The following COL4A4 variants were observed in gnomAD, a reference collection of about 807,000 sequenced individuals.
COL4A4 encodes the protein collagen type IV alpha 4 chain.
A neutral mutation model predicts 192.9 loss-of-function variants in COL4A4; 105 were observed. The observed-to-expected ratio is 0.54, with a 90% CI of 0.46 to 0.64. The LOEUF is 0.64. Among genes scored for constraint, COL4A4 ranks in the 30% least tolerant of loss-of-function variants. COL4A4 has a pLI of 0.00. For synonymous variants in COL4A4, 762 were observed against 769.9 expected, an observed-to-expected ratio of 0.99 and a Z score of 0.17; for missense variants, 1,967 against 2,169.3, an observed-to-expected ratio of 0.91 and a Z score of 1.85.
At chr2:227,033,127 C>T (rs1968785323) in intron 38 of COL4A4, among the ~76,000 whole-genome samples, 1 of 152,178 alleles carries the variant, frequency 6.6e-6, no homozygotes, top group African/African-American at 2.4e-5. Context: ...AAATCTGGCT[C>T]AATTGTTCAG....
At chr2:227,022,290 G>T in intron 43 of COL4A4, 117 bp from the exon 44 acceptor site, 1 of 1,245,684 alleles carries the variant, frequency 8.0e-7, no homozygotes, top group Non-Finnish European at 1.2e-6. Flanking sequence ...TACAAATTCA[G>T]TATAAAATTC....
chr2:226,988,594 C>T, the COL4A4 span: 5 of 1,362,342 alleles, frequency 3.7e-6, no homozygotes, highest in Non-Finnish European at 4.7e-6. Flanking sequence ...CAGAAGAGGC[C>T]GGGGGCTCCA....
chr2:227,089,268 A>G (rs570244191), intron 21 of COL4A4, among the ~76,000 whole-genome samples: 1 of 152,160 alleles, frequency 6.6e-6, no homozygotes, highest in East Asian at 1.9e-4. Flanking sequence ...TTTTGATTGC[A>G]TTGAATATTA....
chr2:227,028,868 G>A (rs1201734919), intron 41 of COL4A4, among the ~76,000 whole-genome samples: 1 of 151,906 alleles, frequency 6.6e-6, no homozygotes, highest in Non-Finnish European at 1.5e-5. Flanking sequence ...GTGTTGCCCA[G>A]GCTGGTCTTG....
At chr2:226,993,089 G>A in the COL4A4 span, among the ~76,000 whole-genome samples, 1 of 152,216 alleles carries the variant, frequency 6.6e-6, no homozygotes, top group Non-Finnish European at 1.5e-5. Flanking sequence ...TGGGTCCAAG[G>A]CCGTGTGTGC....
chr2:226,983,378 G>T, the COL4A4 span, among the ~76,000 whole-genome samples: 2,079 of 152,194 alleles, frequency 0.014, 40 homozygotes, highest in African/African-American at 0.048. Context: ...GTAGCTGTGG[G>T]ACCTGGGGCC....
rs2272205 is a variant in COL4A4 at position 227,051,208 on chromosome 2, T to C, written c.2969-50A>G. ...GTCTCTGCTGAAATTTTGAGCTAGG[T>C]AATAGTTAAGCTGAGGGACCTGGTC... On this transcript the variant is annotated intron_variant, in intron 32 of 47. Transcript: ENST00000396625. The C allele has an allele frequency of 0.092, 147,090 of 1,593,442 alleles. 7,208 individuals carry two copies. The highest frequency in any genetic ancestry group is 0.18 in the East Asian group (7,887 of 44,758).
intron 20 of COL4A4, among the ~76,000 whole-genome samples, chr2:227,093,605 C>T (rs983893730): frequency 1.3e-5 from 2 of 152,094 alleles, no homozygotes; most frequent in Middle Eastern, 3.4e-3. Flanking sequence ...TGATCTCATC[C>T]CCAGCCCCCT....
intron 37 of COL4A4, among the ~76,000 whole-genome samples, chr2:227,041,848 G>GAGAGAGAGAGAGAGAGAGAGAAAGAA (rs1971305412): frequency 2.6e-5 from 1 of 38,734 alleles, no homozygotes; most frequent in Non-Finnish European, 4.7e-5. Flanking sequence ...AAGAAAGAAA[G>GAGAGAGAGAGAGAGAGAGAGAAAGAA]AGAAAGAAAG....
chr2:227,158,392 G>A (rs2064525402), intron 1 of COL4A4, among the ~76,000 whole-genome samples: 1 of 152,002 alleles, frequency 6.6e-6, no homozygotes, highest in African/African-American at 2.4e-5. Context: ...AGAAAACATA[G>A]GAGAAAATTT....
chr2:227,121,025 T>C lies in COL4A4; in HGVS notation c.316A>G (p.Lys106Glu). 6.2e-7 allele frequency: 1 copy of C among 1,614,128 alleles called. No individual in the cohort carries two copies. Among genetic ancestry groups the C allele is most frequent in the African/African-American group, 1.3e-5 (1 of 75,062 alleles). Residue 106 changes from lysine (K) to glutamate (E), a missense_variant, in exon 5 of 48, where the codon AAA (lysine) becomes GAA (glutamate). Lys to Glu is a moderately conservative substitution (Grantham distance 56). Transcript: ENST00000396625. Reference protein sequence around the residue: ...DRGPPGAAGDKGDKGPTGVPG... With the variant: ...DRGPPGAAGDEGDKGPTGVPG... ...AAGATGTGGCTTACCTTATCTCCTT[T>C]GTCCCCTGCTGCTCCAGGAGGGCCG...
intron 25 of COL4A4, among the ~76,000 whole-genome samples, chr2:227,075,568 A>G (rs774730141): frequency 3.9e-5 from 6 of 152,200 alleles, no homozygotes; most frequent in Non-Finnish European, 7.3e-5. Context: ...ATTCCCTTTG[A>G]AAACCAGCAC....
chr2:227,047,504 T>G lies in COL4A4; in HGVS notation c.3260A>C (p.Lys1087Thr), dbSNP rs745770378. The G allele has an allele frequency of 6.2e-7, 1 of 1,613,878 alleles. No individual in the cohort carries two copies. The highest frequency in any genetic ancestry group is 2.2e-5 in the East Asian group (1 of 44,874). The change falls in exon 35 of 48, where the codon AAG becomes ACG. Residue 1087 changes from lysine to threonine, a missense_variant. Transcript: ENST00000396625. Reference protein sequence around the residue: ...PASHFGPPGPKGEPGSPGCPG... With the variant: ...PASHFGPPGPTGEPGSPGCPG... ...ACATCCAGGGCTACCTGGCTCACCC[T>G]TTGGACCAGGTGGACCAAAGTGACT...
chr2:227,084,814 C>T (rs2059500230), intron 22 of COL4A4, among the ~76,000 whole-genome samples: 1 of 152,064 alleles, frequency 6.6e-6, no homozygotes, highest in South Asian at 2.1e-4. Context: ...GTTACTCTAA[C>T]AACGGAAGCC....
At chr2:227,077,870 T>C in intron 25 of COL4A4, 24 bp downstream of exon 25, 1 of 1,596,712 alleles carries the variant, frequency 6.3e-7, no homozygotes, top group Non-Finnish European at 8.5e-7. Flanking sequence ...GCTATTGAAA[T>C]AAATAAAATT....
rs959918764 is a variant in COL4A4, at chr2:227,144,632, G to A, written c.72-74C>T. ...TGAAACAAAAAGAAAAAGAGTAAAG[G>A]AATTAATTCCAGAAAGCTACTTTTT... On this transcript the variant is annotated intron_variant, in intron 2 of 47. Coordinates refer to ENST00000396625, the MANE Select transcript of COL4A4 (RefSeq NM_000092.5). 23 of 1,244,936 alleles carry A rather than the reference G, an allele frequency of 1.8e-5. No individual in the cohort carries two copies. In the East Asian group the frequency reaches 2.8e-4, roughly 15 times the overall value. 77.1% of individuals were successfully genotyped at this position (1,244,936 alleles called of 1,614,324 possible).
At chr2:226,977,259 A>G in the COL4A4 span, among the ~76,000 whole-genome samples, 1 of 152,064 alleles carries the variant, frequency 6.6e-6, no homozygotes, top group Admixed American at 6.6e-5. Flanking sequence ...TTAGTTTTGC[A>G]TTTAACACAG....
intron 44 of COL4A4, among the ~76,000 whole-genome samples, chr2:227,014,521 T>C (rs1964470943): frequency 6.6e-6 from 1 of 152,244 alleles, no homozygotes; most frequent in African/African-American, 2.4e-5. Flanking sequence ...ACAACAATAA[T>C]AGCAAACACA....
At chr2:227,129,518 C>A (rs1308630641) in intron 4 of COL4A4, among the ~76,000 whole-genome samples, 6 of 151,784 alleles carry the variant, frequency 4.0e-5, no homozygotes, top group Non-Finnish European at 8.8e-5. Context: ...AAGCAATTCT[C>A]CTGCCTCAGC....
Sources: gnomAD v4.1 joint callset for allele counts (sites outside exome capture counted in the v4.1 genomes callset) on GRCh38, gnomAD v4.1.1 for gene constraint, MANE v1.5 for transcripts, NCBI Gene and HGNC (gene_info 2026-07-23, HGNC 2026-07-21) for gene names.